Variants in ICA1L observed in about 807,000 individuals in gnomAD.
ICA1L encodes islet cell autoantigen 1-like protein.
Under a neutral mutation model 61.3 loss-of-function variants are expected in ICA1L, and 50 were observed. That is an observed-to-expected ratio of 0.82 (90% CI 0.65 to 1.03). ICA1L has a LOEUF of 1.03. Ranked by LOEUF, ICA1L falls within the 50% of genes least tolerant of loss-of-function variation. The probability of loss-of-function intolerance (pLI) is 0.00; values close to 1 mark genes in which losing one functional copy is unlikely to be tolerated. For missense variants in ICA1L, 508 were observed against 556.7 expected (o/e 0.91, Z 0.88); for synonymous variants, 161 against 191.3 (o/e 0.84, Z 1.31).
At chr2:202,824,644 G>T (rs1693785205) in intron 3 of ICA1L, among the ~76,000 whole-genome samples, 1 of 152,142 alleles carries the variant, frequency 6.6e-6, no homozygotes, top group Admixed American at 6.5e-5. Flanking sequence ...GGAAGTTAGG[G>T]ATTCCACTAT....
chr2:202,834,001 T>C (rs1427894432), intron 1 of ICA1L, among the ~76,000 whole-genome samples: 1 of 152,174 alleles, frequency 6.6e-6, no homozygotes, highest in Non-Finnish European at 1.5e-5. Context: ...AAAGGGACTA[T>C]AGTTAATAAC....
Position 202,821,360 on chromosome 2 carries a change from T to G in ICA1L, c.357A>C (p.Gln119His). The change falls in exon 4 of 13, where the codon CAA becomes CAC. Residue 119 changes from glutamine (Q) to histidine (H), a missense_variant and splice_region_variant. Gln to His is a conservative substitution (Grantham distance 24). Transcript: ENST00000358299. ...TGKALCSSAKQRLALCTPLSR... is the reference protein window; with the variant it reads ...TGKALCSSAKHRLALCTPLSR... Reference sequence around the variant, plus strand: ...GATAATGAACAACCATGGTAAACCTTTGCTTGGCTGAAGAACAAAGTGCCT... The same window carrying G: ...GATAATGAACAACCATGGTAAACCTGTGCTTGGCTGAAGAACAAAGTGCCT... 2 of 1,613,282 alleles carry G rather than the reference T, an allele frequency of 1.2e-6. No homozygotes were observed. The highest frequency in any genetic ancestry group is 1.7e-6 in the Non-Finnish European group (2 of 1,179,680).
rs756927550 is a variant in ICA1L at position 202,796,982 on chromosome 2, A to T, written c.911-18T>A. 8 of 1,545,270 alleles carry T rather than the reference A, an allele frequency of 5.2e-6. No homozygotes were observed. In the South Asian group the frequency reaches 5.9e-5, roughly 11 times the overall value. ...TTTGTTTGCTAAATCAAAAGCACAT[A>T]AAAGAGAAGTTGAACAAGAAGAAAT... On this transcript the variant is annotated intron_variant, in intron 9 of 12. Transcript: ENST00000358299.
chr2:202,796,425 A>C (rs914756025), intron 10 of ICA1L, among the ~76,000 whole-genome samples: 9 of 152,268 alleles, frequency 5.9e-5, no homozygotes, highest in African/African-American at 2.2e-4. Flanking sequence ...TTTAATGCTT[A>C]GGAAGTACCT....
intron 1 of ICA1L, among the ~76,000 whole-genome samples, chr2:202,830,078 G>A (rs1024349579): frequency 3.9e-5 from 6 of 152,168 alleles, no homozygotes; most frequent in Non-Finnish European, 4.4e-5. Context: ...AATACAGATG[G>A]ACATTGTAAA....
intron 1 of ICA1L, among the ~76,000 whole-genome samples, chr2:202,846,672 A>G (rs1454256694): frequency 6.6e-6 from 1 of 152,206 alleles, no homozygotes; most frequent in Non-Finnish European, 1.5e-5. Flanking sequence ...GGAACCAGCA[A>G]ATGTTGATAA....
chr2:202,841,258 A>C (rs1307078949), intron 1 of ICA1L: 1 of 731,718 alleles, frequency 1.4e-6, no homozygotes, highest in African/African-American at 1.7e-5. Flanking sequence ...TTGTTCTTGA[A>C]GTCTTCCACC....
At chr2:202,822,468 A>G (rs1023862282) in intron 3 of ICA1L, among the ~76,000 whole-genome samples, 1 of 152,180 alleles carries the variant, frequency 6.6e-6, no homozygotes, top group Non-Finnish European at 1.5e-5. Context: ...GTGCTCAGCT[A>G]AAAATTCATT....
chr2:202,852,658 C>A (rs549902683), intron 1 of ICA1L, among the ~76,000 whole-genome samples: 25 of 119,664 alleles, frequency 2.1e-4, no homozygotes, highest in African/African-American at 8.3e-4. Flanking sequence ...GGTGACAGAG[C>A]GAGACTCTGT....
chr2:202,865,798 A>T (rs973048906), intron 1 of ICA1L, among the ~76,000 whole-genome samples: 1 of 151,858 alleles, frequency 6.6e-6, no homozygotes, highest in Admixed American at 6.6e-5. Context: ...GTGAAATTTT[A>T]TTTTTTTTGG....
At chr2:202,785,333 A>T (rs560991076) in intron 12 of ICA1L, among the ~76,000 whole-genome samples, 1 of 152,270 alleles carries the variant, frequency 6.6e-6, no homozygotes, top group South Asian at 2.1e-4. Flanking sequence ...TGTATCCCTA[A>T]TTTTACATCC....
chr2:202,856,179 A>T (rs887765034), intron 1 of ICA1L, among the ~76,000 whole-genome samples: 2 of 152,182 alleles, frequency 1.3e-5, no homozygotes, highest in African/African-American at 4.8e-5. Flanking sequence ...ACAACAAAAG[A>T]AGAAAATTTC....
chr2:202,841,882 GA>G (rs1694345472), intron 1 of ICA1L: 2 of 267,152 alleles, frequency 7.5e-6, no homozygotes, highest in Non-Finnish European at 1.5e-5. Flanking sequence ...TTTTTAGATA[GA>G]GTTTTGTTCT....
chr2:202,871,582 G>C (rs1369195637), intron 1 of ICA1L, 37 bp downstream of exon 1: 1 of 152,114 alleles, frequency 6.6e-6, no homozygotes, highest in South Asian at 2.1e-4. Context: ...GCCGCCTGAG[G>C]GGGAATAGGG....
chr2:202,820,304 G>A (rs977826883), intron 4 of ICA1L, among the ~76,000 whole-genome samples: 18 of 151,910 alleles, frequency 1.2e-4, no homozygotes, highest in East Asian at 1.9e-4. Flanking sequence ...GAACCCGGGA[G>A]GTGGAGGTTG....
At chr2:202,818,331 G>A (rs1176973331) in intron 5 of ICA1L, among the ~76,000 whole-genome samples, 7 of 152,150 alleles carry the variant, frequency 4.6e-5, no homozygotes, top group Non-Finnish European at 8.8e-5. Flanking sequence ...CTAGGGACAA[G>A]CAAGGACAAA....
intron 6 of ICA1L, among the ~76,000 whole-genome samples, chr2:202,816,238 G>A (rs1693530062): frequency 6.6e-6 from 1 of 152,130 alleles, no homozygotes. Flanking sequence ...AAATAGCACA[G>A]GAATGCACAC....
In ICA1L at chr2:202,825,465, G is replaced by A. The variant is rs184519914; in HGVS notation, c.235+230C>T. On this transcript the variant is annotated intron_variant, in intron 3 of 12. Transcript: ENST00000358299. ...AACCTGAGTGACAGAGAAAGACCCT[G>A]TCTCAAAGAAAAAAAATATCAGCAA... is the stretch of plus-strand genomic sequence containing the variant. 4.3e-5 allele frequency: 51 copies of A among 1,187,780 alleles called. No individual in the cohort carries two copies. The East Asian group carries it at 1.2e-3, about 28-fold the overall frequency. The allele number at this position is 1,187,780 out of a possible 1,614,324, so 73.6% of individuals were successfully genotyped here.
At position 202,839,710 on chromosome 2, in the gene ICA1L, G is replaced by A. The variant is rs1422553637; in HGVS notation, c.-7-10694C>T. Among the ~76,000 whole-genome samples the A allele has an allele frequency of 4.6e-5, 7 of 151,952 alleles. No homozygotes were observed. In the East Asian group the frequency reaches 1.4e-3, roughly 29 times the overall value. ...TTCAAGGTAATTATTGATAGGTAAG[G>A]ACTTAGTACTACCATTTTGTTCATT... On this transcript the variant is annotated intron_variant, in intron 1 of 12. Coordinates refer to ENST00000358299, the MANE Select transcript of ICA1L (RefSeq NM_001288622.3).
Sources: gnomAD v4.1 joint callset for allele counts (sites outside exome capture counted in the v4.1 genomes callset) on GRCh38, gnomAD v4.1.1 for gene constraint, MANE v1.5 for transcripts, NCBI Gene and HGNC (gene_info 2026-07-23, HGNC 2026-07-21) for gene names.